ITGAE: variants seen among roughly 807,000 people sequenced by gnomAD.
The protein encoded by ITGAE is integrin subunit alpha E.
Under a neutral mutation model 136.5 loss-of-function variants are expected in ITGAE, and 99 were observed. The observed-to-expected ratio is 0.73, with a 90% CI of 0.62 to 0.86. ITGAE has a LOEUF of 0.86. ITGAE is among the 40% of genes least tolerant of loss of function. The pLI is 0.00. For missense variants in ITGAE, 1,447 were observed against 1,515.3 expected (o/e 0.95, Z 0.75); for synonymous variants, 613 against 591.8 (o/e 1.04, Z -0.52).
intron 1 of ITGAE, among the ~76,000 whole-genome samples, chr17:3,789,138 T>C (rs1490610561): frequency 1.3e-5 from 2 of 152,000 alleles, no homozygotes; most frequent in African/African-American, 4.8e-5. Flanking sequence ...TCCTAGCTAC[T>C]TGGGAGGCTG....
At chr17:3,758,744 G>A (rs1323103518) in intron 8 of ITGAE, among the ~76,000 whole-genome samples, 4 of 150,764 alleles carry the variant, frequency 2.7e-5, no homozygotes, top group Non-Finnish European at 5.9e-5. Flanking sequence ...GAGCTACCAC[G>A]CTCAGCCTAT....
In ITGAE at chr17:3,763,882, A is replaced by G. The variant is rs1042572939; in HGVS notation, c.234T>C (p.Leu78=). 6.2e-7 allele frequency: 1 copy of G among 1,613,744 alleles called. No individual in the cohort carries two copies. The highest frequency in any genetic ancestry group is 1.3e-5 in the African/African-American group (1 of 74,970). The part of the protein sequence containing the change: ...HRCSLVQDEI[L]CHPVEHVPIP... ...GGGCTGACTTACCTACAGGATGGCA[A>G]AGGATTTCATCCTGGACAAGGGAAC... Residue 78 remains leucine, a synonymous_variant, in exon 3 of 31, where the codon CTT becomes CTC. Transcript: ENST00000263087.
At position 3,747,992 on chromosome 17, in the gene ITGAE, G is replaced by A. The variant is rs148453859; in HGVS notation, c.2085C>T (p.Ile695=). ...SMAFTPSALP[I]GFNGVVNVRL... is the part of the protein sequence containing the mutation. Reference sequence around the variant, plus strand: ...GGACATTCACGACGCCGTTGAAGCCGATGGGCAGTGCGCTGGGGGTGAAGG... The same window carrying A: ...GGACATTCACGACGCCGTTGAAGCCAATGGGCAGTGCGCTGGGGGTGAAGG... The change falls in exon 17 of 31, where the codon ATC becomes ATT. Residue 695 remains isoleucine (I), a synonymous_variant. Transcript: ENST00000263087. The A allele has an allele frequency of 1.0e-4, 164 of 1,613,380 alleles. No individual in the cohort carries two copies. The African/African-American group carries it at 1.7e-3, about 17-fold the overall frequency.
Position 3,748,029 on chromosome 17 carries a change from T to C in ITGAE, c.2048A>G (p.Lys683Arg). The part of the protein sequence containing the change: ...VFRSRPVVRL[K>R]VSMAFTPSAL... Reference sequence around the variant, plus strand: ...GCTGGGGGTGAAGGCCATGGAGACCTTCAGGCGAACCACAGGCCGGGAGCT... The same window carrying C: ...GCTGGGGGTGAAGGCCATGGAGACCCTCAGGCGAACCACAGGCCGGGAGCT... Residue 683 changes from lysine (K) to arginine (R), a missense_variant, in exon 17 of 31, where the codon AAG (lysine) becomes AGG (arginine). Transcript: ENST00000263087. 6.2e-7 allele frequency: 1 copy of C among 1,611,420 alleles called. No homozygotes were observed. The highest frequency in any genetic ancestry group is 8.5e-7 in the Non-Finnish European group (1 of 1,178,356).
At position 3,760,871 on chromosome 17, in the gene ITGAE, G is replaced by A. The variant is rs117846516; in HGVS notation, c.598+142C>T. 7.8e-3 allele frequency: 9,720 copies of A among 1,252,818 alleles called. 55 individuals are homozygous for A. Among genetic ancestry groups the A allele is most frequent in the Non-Finnish European group, 9.5e-3 (8,927 of 938,026 alleles). The allele number at this position is 1,252,818 out of a possible 1,614,324, so 77.6% of individuals were successfully genotyped here. A position where few individuals can be genotyped will look rare whatever the true frequency, so the allele number is the denominator to read the frequency against. On this transcript the variant is annotated intron_variant, in intron 6 of 30. Transcript: ENST00000263087. ...TTTCCCCACTTATAAGAAAGAGTGG[G>A]TGGAGCTGGTACAGGTCAGGTCTGT...
At chr17:3,782,168 G>A (rs374487438) in intron 1 of ITGAE, among the ~76,000 whole-genome samples, 2 of 150,492 alleles carry the variant, frequency 1.3e-5, no homozygotes, top group African/African-American at 2.4e-5. Flanking sequence ...CCAGCTACTC[G>A]GGAGGCTGAC....
At chr17:3,791,912 G>A (rs558569766) in intron 1 of ITGAE, among the ~76,000 whole-genome samples, 1 of 152,250 alleles carries the variant, frequency 6.6e-6, no homozygotes, top group Middle Eastern at 3.4e-3. Context: ...TCATCCGCTT[G>A]ATGGACATAT....
chr17:3,724,275 A>C (rs1488402974), intron 26 of ITGAE: 2 of 1,589,868 alleles, frequency 1.3e-6, no homozygotes, highest in East Asian at 4.5e-5. Context: ...CGTGACCCCA[A>C]GACGCCTGGG....
In ITGAE at chr17:3,732,434, AG is replaced by A; in HGVS notation, c.2687del (p.Pro896LeufsTer8). ...PPSPNIQCDD[P>X]QPVASVLIMN... is the part of the protein sequence containing the mutation. ...TGATCAGGACAGAAGCAACCGGCTG[AG>A]GGTCATCACACTGAATGTTTGGAGA... On this transcript the variant is annotated frameshift_variant, in exon 22 of 31. Coordinates refer to ENST00000263087, the MANE Select transcript of ITGAE (RefSeq NM_002208.5). LOFTEE classifies it high-confidence loss of function. 6.2e-7 allele frequency: 1 copy of A among 1,614,174 alleles called. No individual in the cohort carries two copies. Among genetic ancestry groups the A allele is most frequent in the Non-Finnish European group, 8.5e-7 (1 of 1,180,010 alleles).
chr17:3,747,464 C>A (rs187530557), intron 17 of ITGAE, among the ~76,000 whole-genome samples: 3 of 152,210 alleles, frequency 2.0e-5, no homozygotes, highest in Admixed American at 2.0e-4. Context: ...ATTACAGGCA[C>A]CTGCCCGGCT....
At chr17:3,742,623 C>T (rs998900476) in intron 19 of ITGAE, among the ~76,000 whole-genome samples, 1 of 151,496 alleles carries the variant, frequency 6.6e-6, no homozygotes, top group Admixed American at 6.6e-5. Flanking sequence ...CTGGGCTAAT[C>T]TTTGTATTTT....
At chr17:3,722,201 G>A (rs1280733142) in intron 28 of ITGAE, among the ~76,000 whole-genome samples, 4 of 150,588 alleles carry the variant, frequency 2.7e-5, no homozygotes, top group Non-Finnish European at 5.9e-5. Context: ...GAACACCTAG[G>A]TCGGGTGCGG....
At chr17:3,751,509 G>A (rs764030189) in intron 15 of ITGAE, 141 bp downstream of exon 15, 1 of 707,962 alleles carries the variant, frequency 1.4e-6, no homozygotes, top group Admixed American at 2.6e-5. Context: ...TAGCCTGGGG[G>A]ACTTCTTTCT....
chr17:3,763,857 G>A lies in ITGAE; in HGVS notation c.247+12C>T. 6.2e-7 allele frequency: 1 copy of A among 1,608,450 alleles called. No individual in the cohort carries two copies. Among genetic ancestry groups the A allele is most frequent in the Non-Finnish European group, 8.5e-7 (1 of 1,175,064 alleles). ...TCCTGGGGAGCATTCCCTGGAGTTG[G>A]GGCTGACTTACCTACAGGATGGCAA... On this transcript the variant is annotated intron_variant, in intron 3 of 30. Transcript: ENST00000263087.
chr17:3,772,284 C>T (rs779452309), intron 2 of ITGAE, among the ~76,000 whole-genome samples: 7 of 152,128 alleles, frequency 4.6e-5, no homozygotes, highest in South Asian at 2.1e-4. Flanking sequence ...CTCTTGTCAT[C>T]GTCTAGCTTG....
At chr17:3,761,822 A>G (rs8080482) in intron 4 of ITGAE, 93 bp downstream of exon 4, 624,260 of 1,093,794 alleles carry the variant, frequency 0.57, 185,234 homozygotes, top group African/African-American at 0.66. Flanking sequence ...CGGGAACAGC[A>G]TGGCAGTCAG....
chr17:3,747,909 A>G lies in ITGAE; in HGVS notation c.2155+13T>C. On this transcript the variant is annotated intron_variant, in intron 17 of 30. Transcript: ENST00000263087. ...ATCACACCAGGCAGGGGTCAGCTGG[A>G]CCATTTTTTTACCTGACTCAGAGGC... The G allele has an allele frequency of 6.6e-7, 1 of 1,511,638 alleles. No homozygotes were observed. The highest frequency in any genetic ancestry group is 9.0e-7 in the Non-Finnish European group (1 of 1,115,408). The allele number at this position is 1,511,638 out of a possible 1,614,324, so 93.6% of individuals were successfully genotyped here.
At chr17:3,720,930 C>CT (rs2051037442) in intron 28 of ITGAE, among the ~76,000 whole-genome samples, 1 of 151,936 alleles carries the variant, frequency 6.6e-6, no homozygotes. Flanking sequence ...CAGTTCTTGA[C>CT]TGACTGACTT....
intron 30 of ITGAE, among the ~76,000 whole-genome samples, chr17:3,715,972 T>G (rs1300693723): frequency 6.6e-6 from 1 of 151,826 alleles, no homozygotes; most frequent in South Asian, 2.1e-4. Flanking sequence ...CTGGCCAATA[T>G]GGTGAAACCC....
Sources: gnomAD v4.1 joint callset for allele counts (sites outside exome capture counted in the v4.1 genomes callset) on GRCh38, gnomAD v4.1.1 for gene constraint, MANE v1.5 for transcripts, NCBI Gene and HGNC (gene_info 2026-07-23, HGNC 2026-07-21) for gene names.